The following PANK3 variants were observed in gnomAD, a reference collection of about 807,000 sequenced individuals.
The protein encoded by PANK3 is hPanK3.
In PANK3, 20 loss-of-function variants were observed where a neutral mutation model predicts 39.4. The ratio of observed to expected loss-of-function variants is 0.51; its 90% CI spans 0.36 to 0.74. The LOEUF (loss-of-function observed/expected upper bound fraction) is 0.74, where lower values mean the gene tolerates loss of function less well. Among genes scored for constraint, PANK3 ranks in the 30% least tolerant of loss-of-function variants. The probability of loss-of-function intolerance (pLI) is 0.00; values close to 1 mark genes in which losing one functional copy is unlikely to be tolerated. For missense variants in PANK3, 265 were observed against 437.0 expected (o/e 0.61, Z 3.51); for synonymous variants, 140 against 157.3 (o/e 0.89, Z 0.82).
At chr5:168,573,610 C>G (rs1007542954) in intron 1 of PANK3, among the ~76,000 whole-genome samples, 1 of 151,124 alleles carries the variant, frequency 6.6e-6, no homozygotes, top group East Asian at 1.9e-4. Context: ...CATCCTGGTA[C>G]GCTGCACCAA....
rs1759335619 is a variant in PANK3 at position 168,555,616 on chromosome 5, C to T, written c.*1955G>A. 6.6e-6 allele frequency: 1 copy of T among 152,158 alleles called. No homozygotes were observed. The highest frequency in any genetic ancestry group is 6.5e-5 in the Admixed American group (1 of 15,284). The allele number at this position is 152,158 out of a possible 1,614,324, so 9.4% of individuals were successfully genotyped here. On this transcript the variant is annotated 3_prime_UTR_variant, in exon 7 of 7. Coordinates refer to ENST00000239231, the MANE Select transcript of PANK3 (RefSeq NM_024594.4). Reference sequence around the variant, plus strand: ...TTAACATTTCAACATGTAATCAATACAAAAAATTAGGAGATATTTAACCTT... The same window carrying T: ...TTAACATTTCAACATGTAATCAATATAAAAAATTAGGAGATATTTAACCTT...
At chr5:168,562,794 A>G (rs966604057) in intron 4 of PANK3, among the ~76,000 whole-genome samples, 1 of 152,192 alleles carries the variant, frequency 6.6e-6, no homozygotes, top group African/African-American at 2.4e-5. Context: ...TGAGATTCCA[A>G]AAACATTTTT....
At chr5:168,560,536 C>A (rs1759430664) in intron 5 of PANK3, among the ~76,000 whole-genome samples, 1 of 152,134 alleles carries the variant, frequency 6.6e-6, no homozygotes. Flanking sequence ...TAATATGTCA[C>A]TAGAATGAAT....
chr5:168,559,016 C>T lies in PANK3; in HGVS notation c.1062+16G>A. 1.3e-6 allele frequency: 2 copies of T among 1,595,116 alleles called. No homozygotes were observed. The highest frequency in any genetic ancestry group is 1.7e-6 in the Non-Finnish European group (2 of 1,172,622). ...ACATGCTATTAAAATTCACAAAAAACATTTTCCTACCATACCTCATGTTCT... is the reference window on the plus strand; with the variant it reads ...ACATGCTATTAAAATTCACAAAAAATATTTTCCTACCATACCTCATGTTCT... On this transcript the variant is annotated intron_variant, in intron 6 of 6. Transcript: ENST00000239231.
At chr5:168,558,724 G>A (rs183353063) in intron 6 of PANK3, among the ~76,000 whole-genome samples, 49 of 152,290 alleles carry the variant, frequency 3.2e-4, no homozygotes, top group Admixed American at 5.2e-4. Flanking sequence ...ACTACTTAAG[G>A]CTGGGCATGG....
At chr5:168,564,144 T>C in intron 3 of PANK3, 79 bp from the exon 4 acceptor site, 5 of 1,208,856 alleles carry the variant, frequency 4.1e-6, no homozygotes, top group Non-Finnish European at 5.6e-6. Context: ...GGATCATTCA[T>C]GTATTCAATG....
intron 1 of PANK3, among the ~76,000 whole-genome samples, chr5:168,577,936 G>T (rs1197180393): frequency 1.3e-5 from 2 of 152,180 alleles, no homozygotes; most frequent in East Asian, 3.9e-4. Flanking sequence ...AAAATTTAAA[G>T]TCTCTCTATA....
chr5:168,577,637 C>T (rs10064717), intron 1 of PANK3, among the ~76,000 whole-genome samples: 10,749 of 152,206 alleles, frequency 0.071, 1,263 homozygotes, highest in African/African-American at 0.25. Context: ...CCGTGCCTAG[C>T]CCTATTTTAT....
chr5:168,565,885 A>ATATATATATATATATATATT (rs1441027360), intron 3 of PANK3, 128 bp downstream of exon 3: 1 of 192,932 alleles, frequency 5.2e-6, no homozygotes, highest in Non-Finnish European at 9.5e-6. Flanking sequence ...ATATATATAT[A>ATATATATATATATATATATT]TTTTTTTTTT....
Position 168,566,214 on chromosome 5 carries a change from C to A in PANK3, c.434G>T (p.Gly145Val). The A allele has an allele frequency of 6.2e-7, 1 of 1,613,222 alleles. No individual in the cohort carries two copies. The highest frequency in any genetic ancestry group is 8.5e-7 in the Non-Finnish European group (1 of 1,179,384). The change falls in exon 3 of 7, where the codon GGC (glycine) becomes GTC (valine). Residue 145 changes from glycine (G) to valine (V), a missense_variant. Gly to Val is a moderately radical substitution (Grantham distance 109). Transcript: ENST00000239231. ...ACTGACAGAGTCTATATACAGCAAG[C>A]CCTTTACAAGGCAGTCAAGTTCATC... Reference protein sequence around the residue: ...KLDELDCLVKGLLYIDSVSFN... With the variant: ...KLDELDCLVKVLLYIDSVSFN...
chr5:168,568,286 ATAAG>A (rs1422615043), intron 2 of PANK3, among the ~76,000 whole-genome samples: 3 of 152,224 alleles, frequency 2.0e-5, no homozygotes, highest in Non-Finnish European at 2.9e-5. Context: ...TATTATTTGA[ATAAG>A]TAATATTCCA....
chr5:168,560,060 T>G (rs1207459876), intron 5 of PANK3, among the ~76,000 whole-genome samples: 1 of 152,192 alleles, frequency 6.6e-6, no homozygotes, highest in African/African-American at 2.4e-5. Flanking sequence ...TCTTTGTACA[T>G]AAGTTGGGAT....
intron 2 of PANK3, 94 bp from the exon 3 acceptor site, chr5:168,566,360 G>A: frequency 1.5e-6 from 2 of 1,332,234 alleles, no homozygotes; most frequent in Non-Finnish European, 2.0e-6. Flanking sequence ...AATTAAAAAT[G>A]GTCTATGACC....
chr5:168,559,176 G>A lies in PANK3; in HGVS notation c.937-19C>T, dbSNP rs1430645061. 3.5e-6 allele frequency: 5 copies of A among 1,414,728 alleles called. No homozygotes were observed. Among genetic ancestry groups the A allele is most frequent in the East Asian group, 2.4e-5 (1 of 41,824 alleles). The allele number at this position is 1,414,728 out of a possible 1,614,324, so 87.6% of individuals were successfully genotyped here. ...TTATTTTCTAAAAGAAAAGAACAAAGAAAAAACTTGTAAAAATAATAGATT... is the reference window on the plus strand; with the variant it reads ...TTATTTTCTAAAAGAAAAGAACAAAAAAAAAACTTGTAAAAATAATAGATT... On this transcript the variant is annotated intron_variant, in intron 5 of 6. Transcript: ENST00000239231.
chr5:168,566,661 A>T (rs1484905975), intron 2 of PANK3, among the ~76,000 whole-genome samples: 1 of 152,188 alleles, frequency 6.6e-6, no homozygotes, highest in Non-Finnish European at 1.5e-5. Context: ...GAGGCTAGAG[A>T]ATAACAAAGT....
Position 168,556,270 on chromosome 5 carries a change from T to C in PANK3, c.*1301A>G, listed in dbSNP as rs1177234903. ...AGGGGATAAGAAGCAAATGGAAGAC[T>C]TGCTCCAACTCTAGAGTTTTCAGAG... On this transcript the variant is annotated 3_prime_UTR_variant, in exon 7 of 7. Transcript: ENST00000239231. 1 of 152,194 alleles carries C rather than the reference T, an allele frequency of 6.6e-6. No individual in the cohort carries two copies. The allele number at this position is 152,194 out of a possible 1,614,324, so 9.4% of individuals were successfully genotyped here.
At chr5:168,570,396 A>AG (rs1554125977) in intron 1 of PANK3, among the ~76,000 whole-genome samples, 21 of 150,796 alleles carry the variant, frequency 1.4e-4, no homozygotes, top group African/African-American at 4.7e-4. Flanking sequence ...AAAAAAAAAA[A>AG]AAAGAAAGAA....
intron 1 of PANK3, 79 bp downstream of exon 1, chr5:168,579,177 C>G (rs1465615481): frequency 7.5e-7 from 1 of 1,331,068 alleles, no homozygotes; most frequent in Admixed American, 3.5e-5. Context: ...GGCTTGGAAG[C>G]CGACCGCCCA....
rs1274915227 is a variant in PANK3, at chr5:168,552,295, T to C, written c.*5276A>G. 6.6e-6 allele frequency: 1 copy of C among 152,186 alleles called. No individual in the cohort carries two copies. Among genetic ancestry groups the C allele is most frequent in the Non-Finnish European group, 1.5e-5 (1 of 68,038 alleles). The allele number at this position is 152,186 out of a possible 1,614,324, so 9.4% of individuals were successfully genotyped here. On this transcript the variant is annotated 3_prime_UTR_variant, in exon 7 of 7. Coordinates refer to ENST00000239231, the MANE Select transcript of PANK3 (RefSeq NM_024594.4). ...AAGTCAATGGAATCATGAGATCTGCTTCAGTGAAGTACGTATGTATTTTGG... is the reference window on the plus strand; with the variant it reads ...AAGTCAATGGAATCATGAGATCTGCCTCAGTGAAGTACGTATGTATTTTGG...
Sources: allele counts gnomAD v4.1 joint callset (sites outside exome capture counted in the v4.1 genomes callset), GRCh38; gene constraint gnomAD v4.1.1; transcripts MANE v1.5; gene names NCBI Gene and HGNC (gene_info 2026-07-23, HGNC 2026-07-21).